The following TF variants were observed in gnomAD, a reference collection of about 807,000 sequenced individuals.
The protein encoded by TF is transferrin.
In TF, 55 loss-of-function variants were observed where a neutral mutation model predicts 82.4. That is an observed-to-expected ratio of 0.67 (90% CI 0.54 to 0.84). The LOEUF (loss-of-function observed/expected upper bound fraction) is 0.84. TF is among the 40% of genes least tolerant of loss of function. The pLI is 0.00. For synonymous variants in TF, 332 were observed against 332.6 expected, an observed-to-expected ratio of 1.00 and a Z score of 0.02; for missense variants, 737 against 868.4, an observed-to-expected ratio of 0.85 and a Z score of 1.90.
At chr3:133,730,834 C>G in the TF span, among the ~76,000 whole-genome samples, 2 of 152,152 alleles carry the variant, frequency 1.3e-5, no homozygotes, top group Non-Finnish European at 2.9e-5. Flanking sequence ...CACTGCCTTT[C>G]CCTGAGTGGT....
At chr3:133,775,674 G>A (rs1934371504) in intron 15 of TF, 57 bp downstream of exon 15, 2 of 1,587,232 alleles carry the variant, frequency 1.3e-6, no homozygotes, top group Admixed American at 3.3e-5. Flanking sequence ...AGGCTATTCG[G>A]GGGGAGTTTA....
chr3:133,696,662 T>C, the TF span, among the ~76,000 whole-genome samples: 2 of 152,244 alleles, frequency 1.3e-5, no homozygotes, highest in East Asian at 3.8e-4. Flanking sequence ...ATTATAAATG[T>C]CTCTCAACTG....
chr3:133,716,272 C>T, the TF span, among the ~76,000 whole-genome samples: 6 of 152,216 alleles, frequency 3.9e-5, no homozygotes, highest in African/African-American at 1.4e-4. Flanking sequence ...GTAGATCCAG[C>T]TGCCTACTGG....
rs1388090770 is a variant in TF, at chr3:133,787,634, T to C, written c.*9014T>C. On this transcript the variant is annotated 3_prime_UTR_variant, in exon 17 of 17. Coordinates refer to ENST00000402696, the MANE Select transcript of TF (RefSeq NM_001063.4). ...ATTGTTAAATCACCTCTGTGAACAG[T>C]GTTACTTGTTCATTCAGTTGAGGAA... 6.6e-6 allele frequency: 1 copy of C among 152,234 alleles called. No homozygotes were observed. Among genetic ancestry groups the C allele is most frequent in the Non-Finnish European group, 1.5e-5 (1 of 68,024 alleles). 9.4% of individuals were successfully genotyped at this position (152,234 alleles called of 1,614,324 possible).
chr3:133,735,147 C>T, the TF span, among the ~76,000 whole-genome samples: 1 of 152,008 alleles, frequency 6.6e-6, no homozygotes, highest in African/African-American at 2.4e-5. Flanking sequence ...TCAAGACCAG[C>T]TTGGTCAAGA....
the TF span, among the ~76,000 whole-genome samples, chr3:133,686,200 A>C: frequency 3.9e-5 from 6 of 152,242 alleles, no homozygotes; most frequent in African/African-American, 1.4e-4. Flanking sequence ...CATTAATTCG[A>C]GATGGATTAA....
chr3:133,776,985 C>T, intron 15 of TF, 64 bp from the exon 16 acceptor site: 5 of 1,451,378 alleles, frequency 3.4e-6, no homozygotes, highest in Non-Finnish European at 4.8e-6. Context: ...AGACTCTTCT[C>T]ATCCATGTGT....
intron 2 of TF, among the ~76,000 whole-genome samples, chr3:133,752,161 C>T (rs1462667132): frequency 3.4e-5 from 5 of 148,468 alleles, no homozygotes; most frequent in Admixed American, 1.3e-4. Flanking sequence ...GGTACAATCT[C>T]GGCTCACTGC....
chr3:133,768,313 T>C (rs1034128443), intron 13 of TF, 149 bp downstream of exon 13: 1 of 1,114,682 alleles, frequency 9.0e-7, no homozygotes, highest in East Asian at 2.6e-5. Context: ...TAGAGCCACA[T>C]GGGGAGGGGC....
At chr3:133,704,636 G>A in the TF span, among the ~76,000 whole-genome samples, 9 of 152,300 alleles carry the variant, frequency 5.9e-5, no homozygotes, top group Non-Finnish European at 1.3e-4. Flanking sequence ...AAATGGGTCT[G>A]ATGGCTTATG....
At chr3:133,778,485 C>A in intron 16 of TF, 101 bp from the exon 17 acceptor site, 1 of 1,325,620 alleles carries the variant, frequency 7.5e-7, no homozygotes, top group Non-Finnish European at 1.1e-6. Flanking sequence ...GGCAGCAAGT[C>A]TGCACACTTT....
At chr3:133,771,697 A>ACTGCAGT (rs1934261513) in intron 14 of TF, among the ~76,000 whole-genome samples, 1 of 132,224 alleles carries the variant, frequency 7.6e-6, no homozygotes, top group Admixed American at 8.8e-5. Flanking sequence ...AGATTGCGCC[A>ACTGCAGT]CTGCAGTCCG....
intron 5 of TF, among the ~76,000 whole-genome samples, chr3:133,755,967 G>C (rs1933815679): frequency 6.6e-6 from 1 of 152,072 alleles, no homozygotes; most frequent in South Asian, 2.1e-4. Flanking sequence ...TTTACAACCA[G>C]CCAAAGGCAC....
intron 3 of TF, chr3:133,754,214 G>A (rs1300853072): frequency 6.3e-6 from 3 of 474,884 alleles, no homozygotes; most frequent in South Asian, 4.2e-5. Flanking sequence ...GGTGTAGGCA[G>A]ACACGCTGCA....
At chr3:133,733,551 A>G in the TF span, among the ~76,000 whole-genome samples, 4 of 152,148 alleles carry the variant, frequency 2.6e-5, no homozygotes, top group Non-Finnish European at 5.9e-5. Flanking sequence ...GGTCAAGTGG[A>G]ACTGGGTGAG....
At chr3:133,726,181 A>G in the TF span, among the ~76,000 whole-genome samples, 3 of 152,082 alleles carry the variant, frequency 2.0e-5, no homozygotes, top group Admixed American at 6.6e-5. Flanking sequence ...TAAAATGAGT[A>G]AGGGAGGATT....
chr3:133,770,453 A>G, intron 13 of TF, 55 bp from the exon 14 acceptor site: 1 of 1,555,060 alleles, frequency 6.4e-7, no homozygotes, highest in Non-Finnish European at 8.9e-7. Context: ...CCTGAATGAC[A>G]GATAAGTCAC....
intron 11 of TF, among the ~76,000 whole-genome samples, chr3:133,765,602 C>T (rs1394773155): frequency 1.3e-5 from 2 of 152,208 alleles, no homozygotes; most frequent in Non-Finnish European, 2.9e-5. Flanking sequence ...AGCCTCTCCC[C>T]ATCACTTGGG....
At chr3:133,708,097 T>G in the TF span, among the ~76,000 whole-genome samples, 1 of 152,160 alleles carries the variant, frequency 6.6e-6, no homozygotes. Context: ...TGCATACTCA[T>G]AATTACAAAC....
Sources: gnomAD v4.1 joint callset for allele counts (sites outside exome capture counted in the v4.1 genomes callset) on GRCh38, gnomAD v4.1.1 for gene constraint, MANE v1.5 for transcripts, NCBI Gene and HGNC (gene_info 2026-07-23, HGNC 2026-07-21) for gene names.